The following NRXN1 variants were observed in gnomAD, a reference collection of about 807,000 sequenced individuals.
NRXN1 encodes the protein neurexin-1.
A neutral mutation model predicts 150.9 loss-of-function variants in NRXN1; 39 were observed. The observed-to-expected ratio is 0.26, with a 90% CI of 0.20 to 0.34. The LOEUF (loss-of-function observed/expected upper bound fraction) is 0.34, where lower values mean the gene tolerates loss of function less well. Among genes scored for constraint, NRXN1 ranks in the 10% least tolerant of loss-of-function variants. The pLI, the probability that NRXN1 is intolerant of heterozygous loss-of-function variation, is 1.00. For missense variants in NRXN1, 1,815 were observed against 1,949.9 expected (o/e 0.93, Z 1.30); for synonymous variants, 924 against 757.0 (o/e 1.22, Z -3.62).
intron 18 of NRXN1, among the ~76,000 whole-genome samples, chr2:50,227,162 G>GGA (rs1475468602): frequency 1.4e-5 from 2 of 143,610 alleles, no homozygotes; most frequent in South Asian, 4.4e-4. Context: ...ACAAAGACGG[G>GGA]AAAAAAAAAA....
chr2:50,562,875 C>T (rs908907112), intron 8 of NRXN1, among the ~76,000 whole-genome samples: 4 of 152,036 alleles, frequency 2.6e-5, no homozygotes, highest in Non-Finnish European at 5.9e-5. Context: ...ACTGTCACAG[C>T]TTTATAATAT....
intron 17 of NRXN1, among the ~76,000 whole-genome samples, chr2:50,381,618 C>T (rs1475843559): frequency 1.3e-5 from 2 of 151,168 alleles, no homozygotes; most frequent in East Asian, 2.0e-4. Context: ...TATAGAATGG[C>T]ATCCAAGAGA....
chr2:50,429,103 T>C (rs898113269), intron 17 of NRXN1, among the ~76,000 whole-genome samples: 1 of 152,150 alleles, frequency 6.6e-6, no homozygotes. Flanking sequence ...CCTTATTTTA[T>C]ATTACATTTA....
At chr2:50,371,273 A>C (rs1013684494) in intron 17 of NRXN1, among the ~76,000 whole-genome samples, 2 of 152,022 alleles carry the variant, frequency 1.3e-5, no homozygotes, top group South Asian at 2.1e-4. Context: ...TCAAAGGTGG[A>C]AATTGAGACT....
intron 9 of NRXN1, among the ~76,000 whole-genome samples, chr2:50,546,622 C>T (rs10190839): frequency 0.43 from 65,079 of 151,824 alleles, 15,919 homozygotes; most frequent in African/African-American, 0.67. Flanking sequence ...ATAAAAAATA[C>T]TTTGAGTGTG....
rs572547813 is a variant in NRXN1, at chr2:50,615,168, A to C, written c.1320+4854T>G. On this transcript the variant is annotated intron_variant, in intron 8 of 22. Transcript: ENST00000401669. ...ATCTAATTAGGTTGATGAAATTTTC[A>C]GTGGGACTTCATTCCCCTTAGCATT... Among the ~76,000 whole-genome samples, 3 of 152,318 alleles carry C rather than the reference A, an allele frequency of 2.0e-5. No homozygotes were observed. In the South Asian group the frequency reaches 6.2e-4, roughly 32 times the overall value.
chr2:50,298,419 G>A (rs1386623855), intron 17 of NRXN1, among the ~76,000 whole-genome samples: 3 of 152,044 alleles, frequency 2.0e-5, no homozygotes, highest in Non-Finnish European at 4.4e-5. Flanking sequence ...GCCAGGATGA[G>A]GAAACCCAGG....
intron 21 of NRXN1, among the ~76,000 whole-genome samples, chr2:50,017,343 C>A (rs1257029840): frequency 6.6e-6 from 1 of 152,072 alleles, no homozygotes; most frequent in African/African-American, 2.4e-5. Context: ...AATGAAAAAG[C>A]AAAATTAACC....
chr2:50,489,475 GAGCAACGCAACTT>G (rs1183229520), intron 15 of NRXN1, among the ~76,000 whole-genome samples: 2 of 148,636 alleles, frequency 1.3e-5, no homozygotes. Flanking sequence ...AGATTGATAT[GAGCAACGCAACTT>G]CTATCTTCTG....
intron 5 of NRXN1, among the ~76,000 whole-genome samples, chr2:50,838,563 T>C (rs527777647): frequency 1.3e-5 from 2 of 152,190 alleles, no homozygotes; most frequent in South Asian, 4.1e-4. Context: ...AATGAGGTCA[T>C]TTGTGTGGGC....
At chr2:50,465,627 T>C in intron 16 of NRXN1, 66 bp from the exon 17 acceptor site, 2 of 1,506,072 alleles carry the variant, frequency 1.3e-6, no homozygotes, top group South Asian at 1.3e-5. Context: ...ATACATGAGC[T>C]AGATCACATG....
At chr2:50,310,001 T>A (rs901798380) in intron 17 of NRXN1, among the ~76,000 whole-genome samples, 1 of 152,202 alleles carries the variant, frequency 6.6e-6, no homozygotes, top group African/African-American at 2.4e-5. Flanking sequence ...AAAGAAAGCT[T>A]GCTATGTTTT....
intron 18 of NRXN1, among the ~76,000 whole-genome samples, chr2:50,095,496 T>C (rs1003409282): frequency 6.6e-6 from 1 of 152,128 alleles, no homozygotes. Flanking sequence ...AAGTAGGCCA[T>C]AAGAGCCTAT....
intron 15 of NRXN1, among the ~76,000 whole-genome samples, chr2:50,486,231 T>C (rs1008730933): frequency 2.6e-5 from 4 of 152,142 alleles, no homozygotes; most frequent in African/African-American, 9.7e-5. Flanking sequence ...GCATGACATA[T>C]AGGCATGCAT....
intron 2 of NRXN1, among the ~76,000 whole-genome samples, chr2:50,958,010 T>C (rs922545426): frequency 1.3e-5 from 2 of 152,160 alleles, no homozygotes; most frequent in Non-Finnish European, 2.9e-5. Context: ...AGGAAGTAAG[T>C]TGCAGCACAT....
chr2:50,820,603 G>A (rs949242081), intron 5 of NRXN1, among the ~76,000 whole-genome samples: 1 of 152,108 alleles, frequency 6.6e-6, no homozygotes, highest in South Asian at 2.1e-4. Context: ...ACCTATTCTT[G>A]TTTGCCGTCT....
chr2:50,962,031 G>A (rs1400333260), intron 2 of NRXN1, among the ~76,000 whole-genome samples: 1 of 151,570 alleles, frequency 6.6e-6, no homozygotes, highest in Non-Finnish European at 1.5e-5. Context: ...TCAAGCATTT[G>A]CAGAATAAAA....
chr2:50,285,052 T>C (rs1018248993), intron 17 of NRXN1, among the ~76,000 whole-genome samples: 2 of 152,262 alleles, frequency 1.3e-5, no homozygotes, highest in African/African-American at 2.4e-5. Flanking sequence ...TAATTATTTA[T>C]CCAATTTTTG....
Position 50,347,229 on chromosome 2 carries a change from G to A in NRXN1, c.3365-110259C>T, listed in dbSNP as rs199673249. On this transcript the variant is annotated intron_variant, in intron 17 of 22. Transcript: ENST00000401669. This position sits in a 1 kb window ranked among gnomAD's most constrained non-coding sequence, Gnocchi z 4.9. ...CCCGGGAACAGCAAGCGCGGAGCGGGTGGCTGCTCCCAGATTTCCAGGGCT... is the reference window on the plus strand; with the variant it reads ...CCCGGGAACAGCAAGCGCGGAGCGGATGGCTGCTCCCAGATTTCCAGGGCT... The A allele has an allele frequency of 2.4e-3, 3,154 of 1,332,840 alleles. 6 individuals are homozygous for A. The highest frequency in any genetic ancestry group is 2.9e-3 in the Non-Finnish European group (2,989 of 1,018,220). The allele number at this position is 1,332,840 out of a possible 1,614,324, so 82.6% of individuals were successfully genotyped here. A position where few individuals can be genotyped will look rare whatever the true frequency, so the allele number is the denominator to read the frequency against.
Sources: gnomAD v4.1 joint callset for allele counts (sites outside exome capture counted in the v4.1 genomes callset) on GRCh38, gnomAD v4.1.1 for gene constraint, Gnocchi (gnomAD v3.1) non-coding constraint, MANE v1.5 for transcripts, NCBI Gene and HGNC (gene_info 2026-07-23, HGNC 2026-07-21) for gene names.